Variants in EDEM3 observed in about 807,000 individuals in gnomAD.
EDEM3 encodes ER degradation-enhancing alpha-mannosidase-like protein 3.
In EDEM3, 60 loss-of-function variants were observed where a neutral mutation model predicts 110.2. That is an observed-to-expected ratio of 0.54 (90% CI 0.44 to 0.67). EDEM3 has a LOEUF of 0.67. Ranked by LOEUF, EDEM3 falls within the 30% of genes least tolerant of loss-of-function variation. The pLI is 0.00. For synonymous variants in EDEM3, 352 were observed against 382.9 expected, an observed-to-expected ratio of 0.92 and a Z score of 0.94; for missense variants, 996 against 1,121.0, an observed-to-expected ratio of 0.89 and a Z score of 1.59.
intron 1 of EDEM3, among the ~76,000 whole-genome samples, chr1:184,754,119 C>G (rs779358561): frequency 6.6e-6 from 1 of 152,218 alleles, no homozygotes; most frequent in African/African-American, 2.4e-5. Flanking sequence ...AGCTCACTTG[C>G]GCGAGAAAGC....
At chr1:184,730,863 G>GAA (rs758387778) in intron 6 of EDEM3, among the ~76,000 whole-genome samples, 11 of 120,740 alleles carry the variant, frequency 9.1e-5, no homozygotes, top group Admixed American at 2.5e-4. Context: ...GGCATGGAAT[G>GAA]AAAAAAAAAA....
chr1:184,719,446 C>G lies in EDEM3; in HGVS notation c.1074G>C (p.Leu358Phe). The change falls in exon 10 of 20, where the codon TTG becomes TTC. Residue 358 changes from leucine to phenylalanine, a missense_variant. Coordinates refer to ENST00000318130, the MANE Select transcript of EDEM3 (RefSeq NM_025191.4). ...AAGAAGACAGAATTCTTTATACCTG[C>G]AAGCCTGGGAAGAAGGCAAGCAAAG... Reference protein sequence around the residue: ...MDALLAFFPGLQVLKGDIRPA... With the variant: ...MDALLAFFPGFQVLKGDIRPA... The G allele has an allele frequency of 6.2e-7, 1 of 1,612,164 alleles. No homozygotes were observed. Among genetic ancestry groups the G allele is most frequent in the Non-Finnish European group, 8.5e-7 (1 of 1,179,432 alleles).
At chr1:184,748,156 T>TA (rs1321065511) in intron 2 of EDEM3, among the ~76,000 whole-genome samples, 1 of 151,884 alleles carries the variant, frequency 6.6e-6, no homozygotes, top group African/African-American at 2.4e-5. Context: ...AAAAATTAAT[T>TA]AAAAAACAGA....
intron 1 of EDEM3, among the ~76,000 whole-genome samples, chr1:184,752,278 T>C (rs758300282): frequency 6.6e-6 from 1 of 152,198 alleles, no homozygotes; most frequent in Non-Finnish European, 1.5e-5. Flanking sequence ...TTCATGACAA[T>C]TCCAGTCTTT....
At chr1:184,753,938 T>G (rs892177133) in intron 1 of EDEM3, among the ~76,000 whole-genome samples, 1 of 152,212 alleles carries the variant, frequency 6.6e-6, no homozygotes, top group Non-Finnish European at 1.5e-5. Context: ...TTGAGACTTT[T>G]GAATAATTTC....
rs574503389 is a variant in EDEM3 at position 184,698,231 on chromosome 1, T to C, written c.2390-3759A>G. ...ATGCAACTTGCAACATCCATTAAAA[T>C]GAAAACGACCCATATACTTTCTGCC... is the stretch of plus-strand genomic sequence containing the variant. On this transcript the variant is annotated intron_variant, in intron 19 of 19. Coordinates refer to ENST00000318130, the MANE Select transcript of EDEM3 (RefSeq NM_025191.4). 2.6e-5 allele frequency among the ~76,000 whole-genome samples: 4 copies of C among 151,908 alleles called. No individual in the cohort carries two copies. The East Asian group carries it at 5.8e-4, about 22-fold the overall frequency.
At chr1:184,694,983 G>A (rs1649255093) in intron 19 of EDEM3, among the ~76,000 whole-genome samples, 1 of 151,680 alleles carries the variant, frequency 6.6e-6, no homozygotes, top group Admixed American at 6.6e-5. Context: ...AATGACTAAG[G>A]GTATTAATGT....
chr1:184,712,392 G>T, intron 14 of EDEM3, 41 bp downstream of exon 14: 1 of 1,525,490 alleles, frequency 6.6e-7, no homozygotes, highest in South Asian at 1.3e-5. Flanking sequence ...AAAACATGTA[G>T]AAATAAAAAA....
intron 2 of EDEM3, among the ~76,000 whole-genome samples, chr1:184,741,517 T>G (rs1379093755): frequency 6.6e-6 from 1 of 152,238 alleles, no homozygotes; most frequent in Non-Finnish European, 1.5e-5. Context: ...TTCATTTTTC[T>G]TATATTTATA....
chr1:184,709,961 C>T (rs1239776816), intron 16 of EDEM3, among the ~76,000 whole-genome samples: 2 of 152,098 alleles, frequency 1.3e-5, no homozygotes, highest in African/African-American at 2.4e-5. Context: ...TTCCTAGGCA[C>T]AGACAAATAA....
chr1:184,710,298 GT>G, intron 16 of EDEM3, 95 bp downstream of exon 16: 1 of 1,419,878 alleles, frequency 7.0e-7, no homozygotes, highest in South Asian at 1.5e-5. Context: ...TATATTTAAA[GT>G]GTTTAGAAAG....
intron 6 of EDEM3, among the ~76,000 whole-genome samples, chr1:184,727,902 C>T (rs989238609): frequency 3.9e-5 from 6 of 152,032 alleles, no homozygotes; most frequent in Admixed American, 1.3e-4. Context: ...ATCTACAGAA[C>T]TAAAATTGAA....
At chr1:184,737,884 G>GA (rs776948170) in intron 2 of EDEM3, 173 bp from the exon 3 acceptor site, 18 of 604,290 alleles carry the variant, frequency 3.0e-5, no homozygotes, top group East Asian at 1.5e-4. Context: ...TACATGCTTG[G>GA]AAAAAAGTCA....
chr1:184,706,546 T>C (rs1036671827), intron 18 of EDEM3, 97 bp downstream of exon 18: 7 of 1,216,090 alleles, frequency 5.8e-6, no homozygotes, highest in South Asian at 2.0e-5. Context: ...AAAAAAACTA[T>C]GACAAACTCT....
At chr1:184,701,863 G>GGCTAGCATGATTAT (rs1378484379) in intron 19 of EDEM3, among the ~76,000 whole-genome samples, 1 of 151,778 alleles carries the variant, frequency 6.6e-6, no homozygotes, top group African/African-American at 2.4e-5. Flanking sequence ...GACAAAATTA[G>GGCTAGCATGATTAT]GCTAGCATGA....
At position 184,712,522 on chromosome 1, in the gene EDEM3, C is replaced by A. The variant is rs751088993; in HGVS notation, c.1447G>T (p.Asp483Tyr). ...GTTGTAAAGATGTAATCTTCTATGT[C>A]AAAAATAATGTCTTCTTTATCAGCA... ...LFADKEDIIF[D>Y]IEDYIFTTEA... Residue 483 changes from aspartate to tyrosine, a missense_variant, in exon 14 of 20, where the codon GAC (aspartate) becomes TAC (tyrosine). Physicochemically the swap from Asp to Tyr is radical, Grantham distance 160 (BLOSUM62 -3). Around this residue, in one of 5 missense-constraint regions of EDEM3, gnomAD observed 138 missense variants for 124.3 expected, o/e 1.11. Coordinates refer to ENST00000318130, the MANE Select transcript of EDEM3 (RefSeq NM_025191.4). 5 of 1,601,150 alleles carry A rather than the reference C, an allele frequency of 3.1e-6. No individual in the cohort carries two copies. Among genetic ancestry groups the A allele is most frequent in the African/African-American group, 1.3e-5 (1 of 74,252 alleles).
intron 15 of EDEM3, 105 bp downstream of exon 15, chr1:184,711,618 G>T: frequency 1.0e-6 from 1 of 972,230 alleles, no homozygotes; most frequent in Non-Finnish European, 1.4e-6. Flanking sequence ...AACATTTTCG[G>T]CCTATGTGAA....
At chr1:184,713,582 C>T (rs1650379969) in intron 13 of EDEM3, among the ~76,000 whole-genome samples, 1 of 152,168 alleles carries the variant, frequency 6.6e-6, no homozygotes, top group African/African-American at 2.4e-5. Flanking sequence ...GGACAAGTTG[C>T]ACAATTTCAT....
chr1:184,749,890 A>AG (rs1652657981), intron 1 of EDEM3, among the ~76,000 whole-genome samples: 1 of 152,220 alleles, frequency 6.6e-6, no homozygotes. Flanking sequence ...TCATCAGAGA[A>AG]GGAAATCTGA....
Sources: allele counts gnomAD v4.1 joint callset (sites outside exome capture counted in the v4.1 genomes callset), GRCh38; gene constraint gnomAD v4.1.1; regional missense constraint gnomAD v4.1.1; transcripts MANE v1.5; gene names NCBI Gene and HGNC (gene_info 2026-07-23, HGNC 2026-07-21).